The following SLC45A2 variants were observed in gnomAD, a reference collection of about 807,000 sequenced individuals.
SLC45A2 encodes the protein membrane-associated transporter protein.
Under a neutral mutation model 45.5 loss-of-function variants are expected in SLC45A2, and 36 were observed. That is an observed-to-expected ratio of 0.79 (90% CI 0.61 to 1.04). SLC45A2 has a LOEUF of 1.04. SLC45A2 is among the 50% of genes least tolerant of loss of function. The pLI, the probability that SLC45A2 is intolerant of heterozygous loss-of-function variation, is 0.00. For synonymous variants in SLC45A2, 306 were observed against 269.3 expected (o/e 1.14, Z -1.33); for missense variants, 719 against 671.0 (o/e 1.07, Z -0.79).
chr5:33,982,103 C>T (rs1021331497), intron 2 of SLC45A2, 133 bp downstream of exon 2: 10 of 967,790 alleles, frequency 1.0e-5, no homozygotes, highest in Admixed American at 3.7e-5. Context: ...AGACAGTGCC[C>T]GCATGACGGG....
In SLC45A2 at chr5:33,947,274, C is replaced by T. The variant is rs989974325; in HGVS notation, c.1257G>A (p.Pro419=). ...GLGTGFIGLF[P]NVYSTLVLCS... ...ACAGGACCAGGGTGGAGTAGACATTCGGGAAGAGCCCAATAAATCCCGTCC... is the reference window on the plus strand; with the variant it reads ...ACAGGACCAGGGTGGAGTAGACATTTGGGAAGAGCCCAATAAATCCCGTCC... The change falls in exon 6 of 7, where the codon CCG becomes CCA. Residue 419 remains proline (P), a synonymous_variant. Transcript: ENST00000296589. 4.6e-5 allele frequency: 75 copies of T among 1,614,064 alleles called. No homozygotes were observed. The highest frequency in any genetic ancestry group is 5.9e-5 in the Non-Finnish European group (70 of 1,180,032).
At chr5:33,965,571 T>G (rs1752582875) in intron 2 of SLC45A2, among the ~76,000 whole-genome samples, 1 of 152,214 alleles carries the variant, frequency 6.6e-6, no homozygotes, top group African/African-American at 2.4e-5. Context: ...ATTTATGGCC[T>G]AGTTATATGT....
At position 33,963,916 on chromosome 5, in the gene SLC45A2, G is replaced by A; in HGVS notation, c.663C>T (p.Phe221=). The change falls in exon 3 of 7, where the codon TTC becomes TTT. Residue 221 remains phenylalanine (F), a synonymous_variant. Transcript: ENST00000296589. ...AACACAAAGTGAGCACCAATGCAGAGAAGAAGAACATGACCTGGAATTCTG... is the reference window on the plus strand; with the variant it reads ...AACACAAAGTGAGCACCAATGCAGAAAAGAAGAACATGACCTGGAATTCTG... The part of the protein sequence containing the change: ...LGTEFQVMFF[F]SALVLTLCFT... 1 of 1,614,174 alleles carries A rather than the reference G, an allele frequency of 6.2e-7. No individual in the cohort carries two copies. The highest frequency in any genetic ancestry group is 8.5e-7 in the Non-Finnish European group (1 of 1,180,018).
Position 33,984,489 on chromosome 5 carries a change from G to T in SLC45A2, c.95C>A (p.Thr32Asn). ...FDSVEPPKRP[T>N]SRLIMHSMAM... ...CATGCTGTGCATGATGAGTCTGCTG[G>T]TGGGTCTTTTAGGCGGCTCCACAGA... The change falls in exon 1 of 7, where the codon ACC (threonine) becomes AAC (asparagine). Residue 32 changes from threonine (T) to asparagine (N), a missense_variant. Transcript: ENST00000296589. 6.2e-7 allele frequency: 1 copy of T among 1,613,584 alleles called. No individual in the cohort carries two copies.
intron 3 of SLC45A2, among the ~76,000 whole-genome samples, chr5:33,961,916 AT>A (rs1181556419): frequency 6.6e-6 from 1 of 152,170 alleles, no homozygotes; most frequent in Admixed American, 6.5e-5. Flanking sequence ...GAGGACTCCC[AT>A]TTGGCCTGAG....
intron 3 of SLC45A2, among the ~76,000 whole-genome samples, chr5:33,956,231 G>A (rs1222028393): frequency 6.6e-6 from 1 of 152,102 alleles, no homozygotes; most frequent in Non-Finnish European, 1.5e-5. Flanking sequence ...AAAGTATTGT[G>A]CCCAGATCAA....
chr5:33,984,286 CCCA>C lies in SLC45A2; in HGVS notation c.295_297del (p.Trp99del), dbSNP rs1753171388. 2 of 1,614,168 alleles carry C rather than the reference CCCA, an allele frequency of 1.2e-6. No individual in the cohort carries two copies. The highest frequency in any genetic ancestry group is 2.7e-5 in the African/African-American group (2 of 75,056). ...GTGAGGATGTAGGGTCTCCGGCGGCCCCACCTGGACCGGCAGTGGTCGCTGGCC... is the reference window on the plus strand; with the variant it reads ...GTGAGGATGTAGGGTCTCCGGCGGCCCCTGGACCGGCAGTGGTCGCTGGCC... On this transcript the variant is annotated inframe_deletion, in exon 1 of 7. Transcript: ENST00000296589.
intron 2 of SLC45A2, among the ~76,000 whole-genome samples, chr5:33,973,111 C>T (rs1177622530): frequency 6.6e-6 from 1 of 152,080 alleles, no homozygotes; most frequent in Non-Finnish European, 1.5e-5. Context: ...ATCAGAGTAA[C>T]AAAGCAAGGA....
chr5:33,969,118 TA>T (rs1269475412), intron 2 of SLC45A2, among the ~76,000 whole-genome samples: 1 of 148,404 alleles, frequency 6.7e-6, no homozygotes, highest in East Asian at 2.1e-4. Flanking sequence ...CCCATTTGTT[TA>T]TCAATAGAAA....
intron 2 of SLC45A2, among the ~76,000 whole-genome samples, chr5:33,969,044 A>T (rs887475896): frequency 2.5e-3 from 224 of 90,430 alleles, no homozygotes; most frequent in Non-Finnish European, 3.6e-3. Context: ...AGTACCAGCT[A>T]CTCTCTCTCT....
rs144030245 is a variant in SLC45A2, at chr5:33,970,089, G to C, written c.563-6073C>G. 4.5e-3 allele frequency among the ~76,000 whole-genome samples: 690 copies of C among 152,298 alleles called. 5 individuals are homozygous for C. The highest frequency in any genetic ancestry group is 0.016 in the African/African-American group (651 of 41,562). On this transcript the variant is annotated intron_variant, in intron 2 of 6. Transcript: ENST00000296589. Reference sequence around the variant, plus strand: ...GCTAGAATGAAAAAGCTGCAGACTAGAAGTCATCAGCTGAGTTAGACAGCC... The same window carrying C: ...GCTAGAATGAAAAAGCTGCAGACTACAAGTCATCAGCTGAGTTAGACAGCC...
Position 33,983,082 on chromosome 5 carries a change from C to T in SLC45A2, c.386-670G>A, listed in dbSNP as rs193285716. ...TCAATTGGTGGGCCTGAAGGGGGCC[C>T]GAGAAACTGCATCTCTAACGGTCTC... On this transcript the variant is annotated intron_variant, in intron 1 of 6. Transcript: ENST00000296589. Among the ~76,000 whole-genome samples the T allele has an allele frequency of 9.8e-4, 149 of 152,282 alleles. 1 individual carries two copies. Among genetic ancestry groups the T allele is most frequent in the Admixed American group, 2.7e-3 (41 of 15,298 alleles).
chr5:33,967,351 G>T (rs1752629638), intron 2 of SLC45A2, among the ~76,000 whole-genome samples: 1 of 152,154 alleles, frequency 6.6e-6, no homozygotes, highest in Non-Finnish European at 1.5e-5. Context: ...TATTCCTCTA[G>T]AGCAGCCTTC....
intron 2 of SLC45A2, among the ~76,000 whole-genome samples, chr5:33,968,982 G>T (rs1049863809): frequency 1.3e-5 from 2 of 151,450 alleles, no homozygotes; most frequent in African/African-American, 4.9e-5. Context: ...TTAGGTGCAT[G>T]CTTCCTACTT....
At chr5:33,978,615 C>T (rs769789825) in intron 2 of SLC45A2, among the ~76,000 whole-genome samples, 2 of 152,192 alleles carry the variant, frequency 1.3e-5, no homozygotes, top group African/African-American at 2.4e-5. Flanking sequence ...GAATCAATTG[C>T]CAATTGAAAA....
At position 33,984,147 on chromosome 5, in the gene SLC45A2, G is replaced by A. The variant is rs148795888; in HGVS notation, c.385+52C>T. 2.5e-6 allele frequency: 4 copies of A among 1,609,096 alleles called. No homozygotes were observed. The East Asian group carries it at 8.9e-5, about 36-fold the overall frequency. On this transcript the variant is annotated intron_variant, in intron 1 of 6. Transcript: ENST00000296589. ...ACATGAACATCCTCCTCCTGCAGAGGTACACACTAAGACACATATCCCTGT... is the reference window on the plus strand; with the variant it reads ...ACATGAACATCCTCCTCCTGCAGAGATACACACTAAGACACATATCCCTGT...
intron 4 of SLC45A2, among the ~76,000 whole-genome samples, chr5:33,953,466 T>C (rs1274709498): frequency 9.9e-5 from 15 of 151,848 alleles, no homozygotes; most frequent in Admixed American, 9.2e-4. Context: ...CATTTCTTCA[T>C]GTGTTTTTTG....
chr5:33,963,600 C>G (rs949345146), intron 3 of SLC45A2, 91 bp downstream of exon 3: 69 of 1,463,874 alleles, frequency 4.7e-5, no homozygotes, highest in Middle Eastern at 2.3e-4. Flanking sequence ...CTCTTCTCGT[C>G]AAACAGACAA....
intron 2 of SLC45A2, among the ~76,000 whole-genome samples, chr5:33,974,466 G>A (rs1752869134): frequency 6.7e-6 from 1 of 149,462 alleles, no homozygotes; most frequent in Admixed American, 6.6e-5. Context: ...AAAAAAAAAA[G>A]AATTTCAGTT....
Sources: allele counts gnomAD v4.1 joint callset (sites outside exome capture counted in the v4.1 genomes callset), GRCh38; gene constraint gnomAD v4.1.1; transcripts MANE v1.5; gene names NCBI Gene and HGNC (gene_info 2026-07-23, HGNC 2026-07-21).